SRSF10: variants seen among roughly 807,000 people sequenced by gnomAD.
The protein encoded by SRSF10 is serine and arginine rich splicing factor 10.
SRSF10 carries 9 observed loss-of-function variants against 32.6 expected under a neutral mutation model. The observed-to-expected ratio is 0.28, with a 90% CI of 0.17 to 0.48. SRSF10 has a LOEUF of 0.48. Among genes scored for constraint, SRSF10 ranks in the 20% least tolerant of loss-of-function variants. The pLI, the probability that SRSF10 is intolerant of heterozygous loss-of-function variation, is 0.99. For synonymous variants in SRSF10, 105 were observed against 112.4 expected (o/e 0.93, Z 0.42); for missense variants, 201 against 331.8 (o/e 0.61, Z 3.06).
intron 2 of SRSF10, chr1:23,977,516 A>C (rs1642163121): frequency 3.3e-5 from 5 of 152,094 alleles, no homozygotes; most frequent in Admixed American, 2.6e-4. Context: ...TCTATATATA[A>C]ACAAAATTTC....
intron 3 of SRSF10, among the ~76,000 whole-genome samples, chr1:23,974,317 C>T (rs1241083505): frequency 6.6e-6 from 1 of 152,088 alleles, no homozygotes; most frequent in East Asian, 1.9e-4. Context: ...AATGGCTAAG[C>T]CAGAATTCAC....
rs1267548345 is a variant in SRSF10, at chr1:23,970,617, C to T, written c.*525G>A. 58 of 964,390 alleles carry T rather than the reference C, an allele frequency of 6.0e-5. No homozygotes were observed. The African/African-American group carries it at 8.1e-4, about 13-fold the overall frequency. The allele number at this position is 964,390 out of a possible 1,614,324, so 59.7% of individuals were successfully genotyped here. A position where few individuals can be genotyped will look rare whatever the true frequency, so the allele number is the denominator to read the frequency against. On this transcript the variant is annotated 3_prime_UTR_variant, in exon 6 of 6. Transcript: ENST00000492112. ...CTCGTGATCCGCCCGCCTCGGCCTC[C>T]CAAAGTGCTGGGATTACAGGTGTGA...
chr1:23,971,527 T>G, intron 5 of SRSF10, 46 bp downstream of exon 5: 2 of 1,595,370 alleles, frequency 1.3e-6, no homozygotes, highest in Non-Finnish European at 1.7e-6. Context: ...AAGTTCACTC[T>G]GAAATTAAAA....
Position 23,971,579 on chromosome 1 carries a change from T to C in SRSF10, c.485A>G (p.Asn162Ser), listed in dbSNP as rs1641754134. 6.2e-6 allele frequency: 10 copies of C among 1,610,284 alleles called. No individual in the cohort carries two copies. Among genetic ancestry groups the C allele is most frequent in the Non-Finnish European group, 7.6e-6 (9 of 1,179,636 alleles). ...RPRRSRSHSD[N>S]DRFKHRNRSF... ...TCAAAGCAAAGTTATTTACCTATCATTGTCGGAATGGCTTCTGCTACGCCG... is the reference window on the plus strand; with the variant it reads ...TCAAAGCAAAGTTATTTACCTATCACTGTCGGAATGGCTTCTGCTACGCCG... Residue 162 changes from asparagine to serine, a missense_variant, in exon 5 of 6, where the codon AAT becomes AGT. Transcript: ENST00000492112.
rs1356721248 is a variant in SRSF10 at position 23,969,876 on chromosome 1, T to C, written c.*1266A>G. The C allele has an allele frequency of 7.1e-6, 7 of 985,282 alleles. No homozygotes were observed. The highest frequency in any genetic ancestry group is 3.5e-5 in the African/African-American group (2 of 57,222). The allele number at this position is 985,282 out of a possible 1,614,324, so 61.0% of individuals were successfully genotyped here. Reference sequence around the variant, plus strand: ...ACCACAGAATCACCTAGAATGAGTGTTGTCTTACAACTTGCCTCGTATTAA... The same window carrying C: ...ACCACAGAATCACCTAGAATGAGTGCTGTCTTACAACTTGCCTCGTATTAA... On this transcript the variant is annotated 3_prime_UTR_variant, in exon 6 of 6. Coordinates refer to ENST00000492112, the MANE Select transcript of SRSF10 (RefSeq NM_054016.4).
chr1:23,973,481 TA>T (rs1404113233), intron 3 of SRSF10, among the ~76,000 whole-genome samples: 3 of 152,188 alleles, frequency 2.0e-5, no homozygotes, highest in Non-Finnish European at 1.5e-5. Flanking sequence ...CAAGCCTGGC[TA>T]ATTTTTTATT....
intron 3 of SRSF10, among the ~76,000 whole-genome samples, chr1:23,973,982 C>G (rs1641925184): frequency 7.3e-6 from 1 of 136,838 alleles, no homozygotes; most frequent in South Asian, 2.6e-4. Flanking sequence ...TCCTCCTCTC[C>G]TCAGCAGCTA....
rs1641625959 is a variant in SRSF10 at position 23,969,597 on chromosome 1, C to T, written c.*1545G>A. The T allele has an allele frequency of 2.3e-5, 23 of 985,150 alleles. No homozygotes were observed. The highest frequency in any genetic ancestry group is 2.8e-5 in the Non-Finnish European group (23 of 829,806). 61.0% of individuals were successfully genotyped at this position (985,150 alleles called of 1,614,324 possible). On this transcript the variant is annotated 3_prime_UTR_variant, in exon 6 of 6. Transcript: ENST00000492112. ...TAAAAGGAATCGTTTGTCCATAATT[C>T]GTACTTGTATCTGTAAGCAAGCAAT... is the stretch of plus-strand genomic sequence containing the variant.
At chr1:23,973,331 G>A (rs1641886149) in intron 3 of SRSF10, among the ~76,000 whole-genome samples, 1 of 152,250 alleles carries the variant, frequency 6.6e-6, no homozygotes, top group African/African-American at 2.4e-5. Context: ...CCAAATGGAA[G>A]TGAGTGCCTT....
chr1:23,979,932 G>A (rs1002460514), intron 1 of SRSF10, among the ~76,000 whole-genome samples: 18 of 152,080 alleles, frequency 1.2e-4, no homozygotes, highest in Non-Finnish European at 2.1e-4. Context: ...CAGGAAGCAG[G>A]GAGAAAGGGG....
chr1:23,972,399 CAA>C (rs1193137538), intron 3 of SRSF10, among the ~76,000 whole-genome samples: 1 of 139,406 alleles, frequency 7.2e-6, no homozygotes. Flanking sequence ...ACCCTGTCTC[CAA>C]AAAAAAAAAG....
In SRSF10 at chr1:23,967,865, C is replaced by T. The variant is rs1641527048; in HGVS notation, c.*3277G>A. The T allele has an allele frequency of 2.6e-6, 4 of 1,548,408 alleles. No homozygotes were observed. The highest frequency in any genetic ancestry group is 3.5e-6 in the Non-Finnish European group (4 of 1,146,116). On this transcript the variant is annotated 3_prime_UTR_variant, in exon 6 of 6. Transcript: ENST00000492112. ...TAATACAATAGTTCCCAGGTCTTTC[C>T]CCTGGGATGTAACTTAACAGCTCAT...
rs1371629504 is a variant in SRSF10, at chr1:23,979,866, A to AT, written c.65+324dup. ...CTCGAAGAATGTGAACTTCAAATCAATGGGGGGCGGCCGTCGGGTCGCGGA... is the reference window on the plus strand; with the variant it reads ...CTCGAAGAATGTGAACTTCAAATCAATTGGGGGGCGGCCGTCGGGTCGCGGA... On this transcript the variant is annotated intron_variant, in intron 1 of 5. Coordinates refer to ENST00000492112, the MANE Select transcript of SRSF10 (RefSeq NM_054016.4). Among the ~76,000 whole-genome samples, 271 of 107,166 alleles carry AT rather than the reference A, an allele frequency of 2.5e-3. 1 individual carries two copies. The highest frequency in any genetic ancestry group is 9.1e-3 in the African/African-American group (262 of 28,688). 70.3% of individuals were successfully genotyped at this position (107,166 alleles called of 152,430 possible).
At position 23,971,134 on chromosome 1, in the gene SRSF10, T is replaced by G; in HGVS notation, c.*8A>C. On this transcript the variant is annotated 3_prime_UTR_variant, in exon 6 of 6. Coordinates refer to ENST00000492112, the MANE Select transcript of SRSF10 (RefSeq NM_054016.4). ...ATACATGCCTAAAAATGACCATGGT[T>G]TATACTATCAGTGGCCACTGGACTT... 1 of 1,594,530 alleles carries G rather than the reference T, an allele frequency of 6.3e-7. No homozygotes were observed. Among genetic ancestry groups the G allele is most frequent in the African/African-American group, 1.4e-5 (1 of 73,924 alleles).
In SRSF10 at chr1:23,964,527, G is replaced by T. The variant is rs920819454; in HGVS notation, c.*6615C>A. On this transcript the variant is annotated 3_prime_UTR_variant, in exon 6 of 6. Coordinates refer to ENST00000492112, the MANE Select transcript of SRSF10 (RefSeq NM_054016.4). ...TGTAATTTCAATTTGTCTTCTTTTC[G>T]ATGGCAGTTATACTATGATGGAATC... Among the ~76,000 whole-genome samples, 1 of 151,834 alleles carries T rather than the reference G, an allele frequency of 6.6e-6. No homozygotes were observed. Among genetic ancestry groups the T allele is most frequent in the African/African-American group, 2.4e-5 (1 of 41,378 alleles).
At chr1:23,973,135 A>C (rs1350889788) in intron 3 of SRSF10, among the ~76,000 whole-genome samples, 2 of 152,200 alleles carry the variant, frequency 1.3e-5, no homozygotes, top group Admixed American at 1.3e-4. Context: ...GGTAACTGCA[A>C]ATTTTCATCT....
Position 23,966,852 on chromosome 1 carries a change from G to A in SRSF10, c.*4290C>T, listed in dbSNP as rs1216418458. The A allele has an allele frequency of 4.6e-5, 7 of 151,934 alleles. No homozygotes were observed. The highest frequency in any genetic ancestry group is 2.6e-4 in the Admixed American group (4 of 15,244). 9.4% of individuals were successfully genotyped at this position (151,934 alleles called of 1,614,324 possible). A position where few individuals can be genotyped will look rare whatever the true frequency, so the allele number is the denominator to read the frequency against. On this transcript the variant is annotated 3_prime_UTR_variant, in exon 6 of 6. Transcript: ENST00000492112. ...ACCACACAATTACTTATCCTTGATCGTATATTGTGTTCTATAATTACATTG... is the reference window on the plus strand; with the variant it reads ...ACCACACAATTACTTATCCTTGATCATATATTGTGTTCTATAATTACATTG...
intron 1 of SRSF10, chr1:23,979,057 G>GT (rs71655401): frequency 0.37 from 48,966 of 133,818 alleles, 10,048 homozygotes; most frequent in Non-Finnish European, 0.46. Context: ...TATAAGCCTT[G>GT]TTTTTTTTTT....
At chr1:23,977,784 A>T (rs1642181545) in intron 2 of SRSF10, 2 of 487,098 alleles carry the variant, frequency 4.1e-6, no homozygotes, top group Non-Finnish European at 2.7e-6. Context: ...CACAATCACA[A>T]CATCAAAGGC....
Sources: allele counts gnomAD v4.1 joint callset (sites outside exome capture counted in the v4.1 genomes callset), GRCh38; gene constraint gnomAD v4.1.1; transcripts MANE v1.5; gene names NCBI Gene and HGNC (gene_info 2026-07-23, HGNC 2026-07-21).